MSH5: variants seen among roughly 807,000 people sequenced by gnomAD.
MSH5 encodes mutS homolog 5.
A neutral mutation model predicts 107.7 loss-of-function variants in MSH5; 78 were observed. The ratio of observed to expected loss-of-function variants is 0.72; its 90% CI spans 0.60 to 0.87. MSH5 has a LOEUF of 0.87. MSH5 is among the 40% of genes least tolerant of loss of function. MSH5 has a pLI of 0.00. For synonymous variants in MSH5, 326 were observed against 399.5 expected (o/e 0.82, Z 2.19); for missense variants, 889 against 1,046.6 (o/e 0.85, Z 2.08).
chr6:31,757,876 G>A, intron 12 of MSH5: 1 of 490,420 alleles, frequency 2.0e-6, no homozygotes, highest in Non-Finnish European at 3.6e-6. Flanking sequence ...CACCATGTTG[G>A]TGAGGCTGAT....
chr6:31,758,460 A>G lies in MSH5; in HGVS notation c.1144-88A>G. ...GTATCTGGAGGGTGAGAGTTAAAGG[A>G]GGACTGCAGGGAGAATTGGGGCCCA... On this transcript the variant is annotated intron_variant, in intron 13 of 24. Coordinates refer to ENST00000375750, the MANE Select transcript of MSH5 (RefSeq NM_172166.4). The surrounding 1 kb of genome is among the most constrained non-coding windows in gnomAD (Gnocchi z 5.1). 1 of 1,565,634 alleles carries G rather than the reference A, an allele frequency of 6.4e-7. No individual in the cohort carries two copies. The highest frequency in any genetic ancestry group is 1.1e-5 in the South Asian group (1 of 89,480).
At chr6:31,751,197 C>T (rs528886988) in intron 10 of MSH5, among the ~76,000 whole-genome samples, 25 of 152,182 alleles carry the variant, frequency 1.6e-4, no homozygotes, top group African/African-American at 5.8e-4. Context: ...GGGGTTTCAC[C>T]GCGTTAGCCA....
chr6:31,753,914 C>T, intron 12 of MSH5: 1 of 343,328 alleles, frequency 2.9e-6, no homozygotes, highest in South Asian at 3.1e-5. Context: ...TTAGTAGAGA[C>T]AGGATTTCAC....
chr6:31,741,113 A>G (rs1562213388), intron 2 of MSH5, 50 bp from the exon 3 acceptor site: 1 of 1,604,022 alleles, frequency 6.2e-7, no homozygotes, highest in Non-Finnish European at 8.5e-7. Context: ...GGTAAACCCT[A>G]CACTTATGAG....
In MSH5 at chr6:31,760,998, C is replaced by T. The variant is rs1010076963; in HGVS notation, c.1962+159C>T. Among the ~76,000 whole-genome samples, 1 of 152,212 alleles carries T rather than the reference C, an allele frequency of 6.6e-6. No homozygotes were observed. Among genetic ancestry groups the T allele is most frequent in the African/African-American group, 2.4e-5 (1 of 41,454 alleles). Reference sequence around the variant, plus strand: ...AGATAAGAAGAATCAATACCATAAACATTTCTTGAACCCTTGTTTCATGTG... The same window carrying T: ...AGATAAGAAGAATCAATACCATAAATATTTCTTGAACCCTTGTTTCATGTG... On this transcript the variant is annotated intron_variant, in intron 20 of 24. Coordinates refer to ENST00000375750, the MANE Select transcript of MSH5 (RefSeq NM_172166.4). This position sits in a 1 kb window ranked among gnomAD's most constrained non-coding sequence, Gnocchi z 5.6.
intron 3 of MSH5, among the ~76,000 whole-genome samples, chr6:31,742,273 T>C (rs190310791): frequency 2.4e-4 from 37 of 152,348 alleles, no homozygotes; most frequent in Admixed American, 9.1e-4. Context: ...TTGTTCTTTT[T>C]TGAGACAGTG....
chr6:31,761,871 C>T lies in MSH5; in HGVS notation c.2235C>T (p.Cys745=), dbSNP rs1174649021. ...ATCTTGTCTTCTTCTATCAGGTTTG[C>T]GAAGGTGTTGCGAAGGCCAGCCATG... ...GNDLVFFYQV[C]EGVAKASHAS... is the part of the protein sequence containing the mutation. The change falls in exon 23 of 25, where the codon TGC becomes TGT. Residue 745 remains cysteine, a synonymous_variant. Transcript: ENST00000375750. The surrounding 1 kb of genome is among the most constrained non-coding windows in gnomAD (Gnocchi z 5.3). The T allele has an allele frequency of 6.8e-6, 11 of 1,613,104 alleles. No individual in the cohort carries two copies. Among genetic ancestry groups the T allele is most frequent in the African/African-American group, 1.3e-5 (1 of 74,994 alleles).
chr6:31,741,867 G>A (rs1425545552), intron 3 of MSH5, among the ~76,000 whole-genome samples: 1 of 152,138 alleles, frequency 6.6e-6, no homozygotes, highest in African/African-American at 2.4e-5. Context: ...TTCAACTCAT[G>A]GAAGAAGGGA....
chr6:31,749,738 A>G lies in MSH5; in HGVS notation c.812+2306A>G, dbSNP rs767630383. ...GCTTGCCTCCATAGCTATGAACTCT[A>G]TCTAGTAGCTATACCTGTTACCTCA... On this transcript the variant is annotated intron_variant, in intron 10 of 24. Coordinates refer to ENST00000375750, the MANE Select transcript of MSH5 (RefSeq NM_172166.4). Among the ~76,000 whole-genome samples, 4 of 152,094 alleles carry G rather than the reference A, an allele frequency of 2.6e-5. No individual in the cohort carries two copies. The South Asian group carries it at 6.2e-4, about 24-fold the overall frequency.
chr6:31,748,074 C>G (rs1809621573), intron 10 of MSH5, among the ~76,000 whole-genome samples: 1 of 152,046 alleles, frequency 6.6e-6, no homozygotes, highest in African/African-American at 2.4e-5. Flanking sequence ...AGAAAACACA[C>G]TTCACATTTC....
chr6:31,752,734 A>G (rs1185329616), intron 10 of MSH5, among the ~76,000 whole-genome samples: 1 of 106,312 alleles, frequency 9.4e-6, no homozygotes, highest in Non-Finnish European at 1.7e-5. Context: ...AAAAAAAAAA[A>G]CGAAAGAATA....
In MSH5 at chr6:31,753,569, G is replaced by A. The variant is rs755953325; in HGVS notation, c.954G>A (p.Leu318=). 2 of 1,614,120 alleles carry A rather than the reference G, an allele frequency of 1.2e-6. No homozygotes were observed. Among genetic ancestry groups the A allele is most frequent in the Admixed American group, 3.3e-5 (2 of 59,992 alleles). ...RLLGHIKNVP[L]ILKRMKLSHT... ...GCTGTAACCTTGTCTGACTGTAGCT[G>A]ATTCTGAAACGCATGAAGTTGTCCC... Residue 318 remains leucine, a splice_region_variant and synonymous_variant, in exon 12 of 25, where the codon CTG becomes CTA. Transcript: ENST00000375750.
In MSH5 at chr6:31,743,103, C is replaced by T. The variant is rs570419071; in HGVS notation, c.353-5C>T. ...AATGATAGCCTTTTCTTTCCTCCCC[C>T]ACAGCCTCCCAGGAGCACAGAGAGC... On this transcript the variant is annotated splice_region_variant and splice_polypyrimidine_tract_variant and intron_variant, in intron 4 of 24. Transcript: ENST00000375750. 1.2e-6 allele frequency: 2 copies of T among 1,613,022 alleles called. No homozygotes were observed. The highest frequency in any genetic ancestry group is 1.7e-6 in the Non-Finnish European group (2 of 1,180,004).
chr6:31,747,062 G>T (rs936251666), intron 9 of MSH5, among the ~76,000 whole-genome samples: 13 of 150,870 alleles, frequency 8.6e-5, no homozygotes, highest in African/African-American at 3.2e-4. Flanking sequence ...CACGTGATCC[G>T]TCTGCCTCGG....
chr6:31,740,351 C>T lies in MSH5; in HGVS notation c.-13-103C>T. The T allele has an allele frequency of 2.4e-6, 3 of 1,264,206 alleles. No individual in the cohort carries two copies. Among genetic ancestry groups the T allele is most frequent in the Non-Finnish European group, 2.2e-6 (2 of 924,300 alleles). 78.3% of individuals were successfully genotyped at this position (1,264,206 alleles called of 1,614,324 possible). A position where few individuals can be genotyped will look rare whatever the true frequency, so the allele number is the denominator to read the frequency against. On this transcript the variant is annotated intron_variant, in intron 1 of 24. Transcript: ENST00000375750. The surrounding 1 kb of genome is among the most constrained non-coding windows in gnomAD (Gnocchi z 4.4). Reference sequence around the variant, plus strand: ...CGCCCCTCAGCCCTGCCCCGCAGCCCTGTAGCAGAAGTACTTAGTGCTTTG... The same window carrying T: ...CGCCCCTCAGCCCTGCCCCGCAGCCTTGTAGCAGAAGTACTTAGTGCTTTG...
In MSH5 at chr6:31,741,920, G is replaced by T. The variant is rs373587137; in HGVS notation, c.271+634G>T. 3.3e-4 allele frequency among the ~76,000 whole-genome samples: 50 copies of T among 152,130 alleles called. 1 individual carries two copies. The highest frequency in any genetic ancestry group is 2.5e-3 in the East Asian group (13 of 5,176). ...GTCACATGGCAGAGAAGAAGCAAGGGGGAGGGAGATGCCAGGCTCTTTTTG... is the reference window on the plus strand; with the variant it reads ...GTCACATGGCAGAGAAGAAGCAAGGTGGAGGGAGATGCCAGGCTCTTTTTG... On this transcript the variant is annotated intron_variant, in intron 3 of 24. Coordinates refer to ENST00000375750, the MANE Select transcript of MSH5 (RefSeq NM_172166.4).
chr6:31,753,209 A>G, intron 10 of MSH5, 92 bp from the exon 11 acceptor site: 6 of 1,472,786 alleles, frequency 4.1e-6, no homozygotes, highest in East Asian at 4.6e-5. Context: ...TATTGCCACA[A>G]TCCCCAGGGA....
chr6:31,754,168 T>A (rs990348374), intron 12 of MSH5: 1 of 152,926 alleles, frequency 6.5e-6, no homozygotes, highest in Non-Finnish European at 1.5e-5. Flanking sequence ...TTTTTTTTTT[T>A]AGACAGAGTC....
chr6:31,741,345 ACAC>A, intron 3 of MSH5, 59 bp downstream of exon 3: 1 of 539,578 alleles, frequency 1.9e-6, no homozygotes, highest in East Asian at 3.6e-5. Context: ...TTACACACAC[ACAC>A]ACACACACAC....
Sources: allele counts gnomAD v4.1 joint callset (sites outside exome capture counted in the v4.1 genomes callset), GRCh38; gene constraint gnomAD v4.1.1; non-coding constraint Gnocchi (gnomAD v3.1); transcripts MANE v1.5; gene names NCBI Gene and HGNC (gene_info 2026-07-23, HGNC 2026-07-21).